The following PLS3 variants were observed in gnomAD, a reference collection of about 807,000 sequenced individuals.
PLS3 encodes plastin 3, also known as plastin-3.
A neutral mutation model predicts 46.5 loss-of-function variants in PLS3; 11 were observed. That is an observed-to-expected ratio of 0.24 (90% CI 0.15 to 0.39). PLS3 has a LOEUF of 0.39. PLS3 is among the 10% of genes least tolerant of loss of function. The pLI is 1.00. For missense variants in PLS3, 308 were observed against 461.8 expected, an observed-to-expected ratio of 0.67 and a Z score of 3.05; for synonymous variants, 167 against 162.2, an observed-to-expected ratio of 1.03 and a Z score of -0.22.
intron 1 of PLS3, among the ~76,000 whole-genome samples, chrX:115,567,773 T>A (rs2074186824): frequency 9.7e-6 from 1 of 103,471 alleles, no homozygotes; most frequent in East Asian, 3.0e-4. Context: ...TCTGTCCAGT[T>A]CATTGAAAAT....
At chrX:115,579,004 G>A (rs73579770) in intron 1 of PLS3, among the ~76,000 whole-genome samples, 1,623 of 111,125 alleles carry the variant, frequency 0.015, 31 homozygotes, top group African/African-American at 0.05. Context: ...AGGCAAATGA[G>A]TTTCATTACC....
chrX:115,615,988 G>A (rs1396371455), intron 2 of PLS3, among the ~76,000 whole-genome samples: 2 of 112,216 alleles, frequency 1.8e-5, no homozygotes, highest in Non-Finnish European at 3.8e-5. Flanking sequence ...CCAAAAAGGT[G>A]TTGCAGAGTA....
intron 1 of PLS3, among the ~76,000 whole-genome samples, chrX:115,577,501 G>A (rs945236349): frequency 2.7e-5 from 3 of 110,067 alleles, no homozygotes; most frequent in Non-Finnish European, 5.7e-5. Flanking sequence ...TAATTGAGAC[G>A]GAATCTTGCT....
chrX:115,640,214 T>G, intron 8 of PLS3, 194 bp from the exon 9 acceptor site: 2 of 750,911 alleles, frequency 2.7e-6, no homozygotes, highest in Non-Finnish European at 4.0e-6. Context: ...CAAAATCCAG[T>G]TCATCCATAT....
chrX:115,647,525 C>T lies in PLS3; in HGVS notation c.1512-25C>T, dbSNP rs782304623. 1.2e-5 allele frequency: 14 copies of T among 1,185,919 alleles called. No individual in the cohort carries two copies. In the South Asian group the frequency reaches 1.5e-4, roughly 13 times the overall value. On this transcript the variant is annotated intron_variant, in intron 13 of 15. Coordinates refer to ENST00000355899, the MANE Select transcript of PLS3 (RefSeq NM_005032.7). The stretch of plus-strand genomic sequence containing the variant: ...TTTTTCCTCATAAAGTAGATGGTGA[C>T]GTTTTCTTCTGCTGCCTCTCTTAGA...
intron 1 of PLS3, among the ~76,000 whole-genome samples, chrX:115,566,480 C>T (rs1298021542): frequency 1.5e-4 from 17 of 109,722 alleles, no homozygotes; most frequent in African/African-American, 5.7e-4. Flanking sequence ...GCTCCTCCTC[C>T]CGGGTTCAGG....
intron 1 of PLS3, among the ~76,000 whole-genome samples, chrX:115,567,651 AG>A (rs782426747): frequency 1.8e-5 from 2 of 109,777 alleles, no homozygotes; most frequent in Non-Finnish European, 3.8e-5. Flanking sequence ...TGGGAAGTTA[AG>A]TTGAAAAATA....
intron 5 of PLS3, among the ~76,000 whole-genome samples, chrX:115,632,673 G>A (rs782246174): frequency 9.1e-6 from 1 of 110,128 alleles, no homozygotes; most frequent in African/African-American, 3.3e-5. Flanking sequence ...TAATTTTACT[G>A]TTTTGTGGAA....
intron 6 of PLS3, 29 bp from the exon 7 acceptor site, chrX:115,634,852 A>G (rs2074814318): frequency 8.4e-7 from 1 of 1,185,666 alleles, no homozygotes; most frequent in African/African-American, 1.8e-5. Context: ...AAGGTCAAGA[A>G]GCAAGTGTGT....
At chrX:115,633,566 C>T (rs1334608674) in intron 5 of PLS3, among the ~76,000 whole-genome samples, 1 of 110,955 alleles carries the variant, frequency 9.0e-6, no homozygotes, top group Non-Finnish European at 1.9e-5. Context: ...TCGTAGCTCA[C>T]TCTAACTTTG....
At chrX:115,575,247 C>G (rs891937924) in intron 1 of PLS3, among the ~76,000 whole-genome samples, 2 of 111,367 alleles carry the variant, frequency 1.8e-5, no homozygotes, top group African/African-American at 6.5e-5. Flanking sequence ...ATTTGTCCAT[C>G]GATGGATATT....
At chrX:115,597,247 T>A (rs1468832420) in intron 1 of PLS3, among the ~76,000 whole-genome samples, 7 of 111,793 alleles carry the variant, frequency 6.3e-5, no homozygotes, top group Admixed American at 1.9e-4. Context: ...CTAAAATGGC[T>A]TAGTCTAACC....
intron 1 of PLS3, among the ~76,000 whole-genome samples, chrX:115,579,323 G>A (rs782461997): frequency 3.9e-4 from 44 of 112,081 alleles, no homozygotes; most frequent in Middle Eastern, 4.6e-3. Flanking sequence ...CCCATTGAAG[G>A]ATATCTGGGC....
chrX:115,592,241 T>G (rs2074350405), intron 1 of PLS3, among the ~76,000 whole-genome samples: 1 of 112,076 alleles, frequency 8.9e-6, no homozygotes, highest in Non-Finnish European at 1.9e-5. Context: ...CAGATGGCAT[T>G]ATGCATGCTT....
intron 1 of PLS3, among the ~76,000 whole-genome samples, chrX:115,574,098 G>C (rs2074233868): frequency 9.0e-6 from 1 of 111,704 alleles, no homozygotes; most frequent in South Asian, 3.8e-4. Context: ...CATGTACTGT[G>C]ACCACTGTAT....
At chrX:115,590,673 A>G (rs1200187149) in intron 1 of PLS3, among the ~76,000 whole-genome samples, 1 of 110,991 alleles carries the variant, frequency 9.0e-6, no homozygotes, top group African/African-American at 3.3e-5. Flanking sequence ...TACAAAAATT[A>G]GCCGGGCATG....
intron 1 of PLS3, among the ~76,000 whole-genome samples, chrX:115,605,929 G>A (rs2074486588): frequency 1.8e-5 from 2 of 109,718 alleles, no homozygotes; most frequent in African/African-American, 6.6e-5. Context: ...TGTTTGCTTC[G>A]CAGATTGTAA....
intron 1 of PLS3, among the ~76,000 whole-genome samples, chrX:115,565,158 G>A (rs782026703): frequency 1.8e-5 from 2 of 111,664 alleles, no homozygotes; most frequent in Non-Finnish European, 3.8e-5. Context: ...CAGTCTAATC[G>A]TGAAATGTCA....
At chrX:115,571,114 T>G (rs2074212751) in intron 1 of PLS3, among the ~76,000 whole-genome samples, 1 of 110,781 alleles carries the variant, frequency 9.0e-6, no homozygotes, top group Non-Finnish European at 1.9e-5. Context: ...CAGGATGGTC[T>G]TGATCTCCTA....
Sources: gnomAD v4.1 joint callset for allele counts (sites outside exome capture counted in the v4.1 genomes callset) on GRCh38, gnomAD v4.1.1 for gene constraint, MANE v1.5 for transcripts, NCBI Gene and HGNC (gene_info 2026-07-23, HGNC 2026-07-21) for gene names.